Variants in B3GAT1 observed in about 807,000 individuals in gnomAD.
The protein encoded by B3GAT1 is beta-1,3-glucuronyltransferase 1, also known as galactosylgalactosylxylosylprotein 3-beta-glucuronosyltransferase 1.
In B3GAT1, 11 loss-of-function variants were observed where a neutral mutation model predicts 28.4. The observed-to-expected ratio is 0.39, with a 90% CI of 0.24 to 0.64. The LOEUF is 0.64. Ranked by LOEUF, B3GAT1 falls within the 30% of genes least tolerant of loss-of-function variation. B3GAT1 has a pLI of 0.50. For synonymous variants in B3GAT1, 255 were observed against 223.1 expected (o/e 1.14, Z -1.27); for missense variants, 375 against 491.0 (o/e 0.76, Z 2.23).
At chr11:134,396,992 C>T (rs1944516621) in intron 1 of B3GAT1, among the ~76,000 whole-genome samples, 1 of 152,214 alleles carries the variant, frequency 6.6e-6, no homozygotes, top group South Asian at 2.1e-4. Flanking sequence ...TGTGACCTAA[C>T]ACACAACCTC....
At chr11:134,398,146 T>G (rs1944539644) in intron 1 of B3GAT1, among the ~76,000 whole-genome samples, 1 of 152,186 alleles carries the variant, frequency 6.6e-6, no homozygotes, top group African/African-American at 2.4e-5. Flanking sequence ...GCAGCTGGCC[T>G]GCTGCTTGAC....
At chr11:134,381,603 G>T (rs967989978) in intron 5 of B3GAT1, 1 of 286,922 alleles carries the variant, frequency 3.5e-6, no homozygotes. Flanking sequence ...GACAGACGCT[G>T]GCCAGCGAGA....
At position 134,411,975 on chromosome 11, in the gene B3GAT1, G is replaced by GCGCC. The variant is rs1210798554; in HGVS notation, c.-454_-451dup. Reference sequence around the variant, plus strand: ...GCCACTTCATAGCCGCGGGGTCCGCGCGCCCGCCCGCCCCGCCCGGCCCCG... The same window carrying GCGCC: ...GCCACTTCATAGCCGCGGGGTCCGCGCGCCCGCCCGCCCGCCCCGCCCGGCCCCG... On this transcript the variant is annotated 5_prime_UTR_variant, in exon 1 of 6. Transcript: ENST00000312527. The surrounding 1 kb of genome is among the most constrained non-coding windows in gnomAD (Gnocchi z 6.0). The GCGCC allele has an allele frequency of 7.6e-6, 1 of 131,758 alleles. No individual in the cohort carries two copies. The allele number at this position is 131,758 out of a possible 1,614,324, so 8.2% of individuals were successfully genotyped here.
chr11:134,397,374 C>T (rs1393332841), intron 1 of B3GAT1, among the ~76,000 whole-genome samples: 1 of 151,168 alleles, frequency 6.6e-6, no homozygotes, highest in Non-Finnish European at 1.5e-5. Context: ...CCGCCCACCA[C>T]TCCCACCATG....
At chr11:134,394,875 CT>C (rs1392203187) in intron 1 of B3GAT1, among the ~76,000 whole-genome samples, 5 of 152,182 alleles carry the variant, frequency 3.3e-5, no homozygotes, top group African/African-American at 9.7e-5. Context: ...AATTCACTGA[CT>C]TTTTTTAGGT....
At chr11:134,407,787 ACTAG>A (rs1944763611) in intron 1 of B3GAT1, among the ~76,000 whole-genome samples, 1 of 151,874 alleles carries the variant, frequency 6.6e-6, no homozygotes, top group Non-Finnish European at 1.5e-5. Context: ...AACAGAAAAC[ACTAG>A]ATTTGGACTT....
chr11:134,409,327 G>T (rs970649646), intron 1 of B3GAT1, among the ~76,000 whole-genome samples: 3 of 152,156 alleles, frequency 2.0e-5, no homozygotes, highest in Non-Finnish European at 4.4e-5. Context: ...CCTGGGGAGG[G>T]GGTGCATGAC....
At position 134,384,455 on chromosome 11, in the gene B3GAT1, C is replaced by T. The variant is rs180991243; in HGVS notation, c.113-267G>A. ...CCTCTAGCTATTTGAGCGCAGTTGCCCATATTCCAAGATTGCATCCTCAGT... is the reference window on the plus strand; with the variant it reads ...CCTCTAGCTATTTGAGCGCAGTTGCTCATATTCCAAGATTGCATCCTCAGT... On this transcript the variant is annotated intron_variant, in intron 2 of 5. Coordinates refer to ENST00000312527, the MANE Select transcript of B3GAT1 (RefSeq NM_054025.3). 4 of 480,790 alleles carry T rather than the reference C, an allele frequency of 8.3e-6. No homozygotes were observed. The Admixed American group carries it at 1.5e-4, about 18-fold the overall frequency. 29.8% of individuals were successfully genotyped at this position (480,790 alleles called of 1,614,324 possible).
intron 1 of B3GAT1, among the ~76,000 whole-genome samples, chr11:134,407,333 C>T (rs967640460): frequency 5.3e-5 from 8 of 152,216 alleles, no homozygotes; most frequent in Admixed American, 2.6e-4. Context: ...CCAGAGAGGA[C>T]GGGCAGAGCC....
chr11:134,387,469 C>A, intron 2 of B3GAT1, 79 bp downstream of exon 2: 2 of 1,572,728 alleles, frequency 1.3e-6, no homozygotes, highest in Non-Finnish European at 1.7e-6. Flanking sequence ...TGAGTGCAAG[C>A]AAGAACCCTG....
At position 134,383,611 on chromosome 11, in the gene B3GAT1, C is replaced by G. The variant is rs779603737; in HGVS notation, c.621+69G>C. The stretch of plus-strand genomic sequence containing the variant: ...TGCGCGCGCCTCCGCACCCACACCC[C>G]CTTCTCGGGAAGCCCCTCCACTCCC... On this transcript the variant is annotated intron_variant, in intron 3 of 5. Transcript: ENST00000312527. The G allele has an allele frequency of 2.4e-4, 342 of 1,446,598 alleles. 1 individual carries two copies. The highest frequency in any genetic ancestry group is 4.9e-4 in the Middle Eastern group (2 of 4,118). The allele number at this position is 1,446,598 out of a possible 1,614,324, so 89.6% of individuals were successfully genotyped here. A position where few individuals can be genotyped will look rare whatever the true frequency, so the allele number is the denominator to read the frequency against.
rs1944874845 is a variant in B3GAT1 at position 134,412,145 on chromosome 11, CGAGA to C, written c.-624_-621del. Among the ~76,000 whole-genome samples, 2 of 61,664 alleles carry C rather than the reference CGAGA, an allele frequency of 3.2e-5. No individual in the cohort carries two copies. The highest frequency in any genetic ancestry group is 1.8e-4 in the Admixed American group (1 of 5,426). The allele number at this position is 61,664 out of a possible 152,430, so 40.5% of individuals were successfully genotyped here. A position where few individuals can be genotyped will look rare whatever the true frequency, so the allele number is the denominator to read the frequency against. ...GGGGAGCGGGGAGCGGGCGCGGGGG[CGAGA>C]GGGGCGAGGGGGGCGCGCGGCCGGA... On this transcript the variant is annotated 5_prime_UTR_variant, in exon 1 of 6. Transcript: ENST00000312527.
At chr11:134,408,020 T>G (rs1001423277) in intron 1 of B3GAT1, among the ~76,000 whole-genome samples, 1 of 152,204 alleles carries the variant, frequency 6.6e-6, no homozygotes, top group Non-Finnish European at 1.5e-5. Context: ...AGGATTACAT[T>G]TAACAATAAT....
chr11:134,406,338 A>C (rs1375283882), intron 1 of B3GAT1, among the ~76,000 whole-genome samples: 1 of 152,192 alleles, frequency 6.6e-6, no homozygotes, highest in Non-Finnish European at 1.5e-5. Flanking sequence ...TTTAGTGACA[A>C]AACAGAATTT....
intron 1 of B3GAT1, among the ~76,000 whole-genome samples, chr11:134,395,700 G>A (rs959688390): frequency 1.3e-5 from 2 of 151,974 alleles, no homozygotes; most frequent in South Asian, 2.1e-4. Flanking sequence ...CCTTGCCCTA[G>A]GCCCATTCTA....
chr11:134,403,218 T>C (rs1944655512), intron 1 of B3GAT1, among the ~76,000 whole-genome samples: 1 of 151,874 alleles, frequency 6.6e-6, no homozygotes, highest in African/African-American at 2.4e-5. Flanking sequence ...CTCCAGGCTC[T>C]CCTGGGCTCC....
intron 1 of B3GAT1, chr11:134,390,094 T>TGAGAC (rs1247923470): frequency 1.2e-4 from 11 of 91,252 alleles, no homozygotes; most frequent in African/African-American, 6.6e-4. Flanking sequence ...GTAGTTCCCC[T>TGAGAC]AGTGGACATT....
At chr11:134,400,498 T>A (rs978588222) in intron 1 of B3GAT1, among the ~76,000 whole-genome samples, 6 of 152,172 alleles carry the variant, frequency 3.9e-5, no homozygotes, top group Non-Finnish European at 7.3e-5. Context: ...TAGAACACAG[T>A]GGTGAATACA....
rs1475504288 is a variant in B3GAT1 at position 134,408,886 on chromosome 11, G to T, written c.-282+2921C>A. The stretch of plus-strand genomic sequence containing the variant: ...GGAGGGAGGTGGGACAGCCTGCACC[G>T]ATTCCAGTGGGGTGAGGAGGGAGGT... On this transcript the variant is annotated intron_variant, in intron 1 of 5. Transcript: ENST00000312527. Among the ~76,000 whole-genome samples, 26 of 120,762 alleles carry T rather than the reference G, an allele frequency of 2.2e-4. No homozygotes were observed. In the East Asian group the frequency reaches 3.4e-3, roughly 16 times the overall value. The allele number at this position is 120,762 out of a possible 152,430, so 79.2% of individuals were successfully genotyped here.
Sources: allele counts gnomAD v4.1 joint callset (sites outside exome capture counted in the v4.1 genomes callset), GRCh38; gene constraint gnomAD v4.1.1; non-coding constraint Gnocchi (gnomAD v3.1); transcripts MANE v1.5; gene names NCBI Gene and HGNC (gene_info 2026-07-23, HGNC 2026-07-21).